ATP2A3: variants seen among roughly 807,000 people sequenced by gnomAD.
ATP2A3 encodes the protein ATPase sarcoplasmic/endoplasmic reticulum Ca2+ transporting 3.
In ATP2A3, 61 loss-of-function variants were observed where a neutral mutation model predicts 106.8. The ratio of observed to expected loss-of-function variants is 0.57; its 90% CI spans 0.46 to 0.71. The LOEUF (loss-of-function observed/expected upper bound fraction) is 0.71, where lower values mean the gene tolerates loss of function less well. Among genes scored for constraint, ATP2A3 ranks in the 30% least tolerant of loss-of-function variants. ATP2A3 has a pLI of 0.00. For missense variants in ATP2A3, 1,201 were observed against 1,423.5 expected (o/e 0.84, Z 2.52); for synonymous variants, 611 against 609.3 (o/e 1.00, Z -0.04).
Position 3,925,240 on chromosome 17 carries a change from T to C in ATP2A3, c.*182A>G. 1 of 907,286 alleles carries C rather than the reference T, an allele frequency of 1.1e-6. No individual in the cohort carries two copies. The highest frequency in any genetic ancestry group is 2.6e-5 in the East Asian group (1 of 38,208). The allele number at this position is 907,286 out of a possible 1,614,324, so 56.2% of individuals were successfully genotyped here. A position where few individuals can be genotyped will look rare whatever the true frequency, so the allele number is the denominator to read the frequency against. On this transcript the variant is annotated 3_prime_UTR_variant, in exon 21 of 21. Coordinates refer to ENST00000397041, the MANE Select transcript of ATP2A3 (RefSeq NM_005173.4). This position sits in a 1 kb window ranked among gnomAD's most constrained non-coding sequence, Gnocchi z 4.2. ...ACAGACCTCCCAGGCCAGAAGGAAG[T>C]GGGGACAGAGACCCCAGGACGGGGC...
intron 14 of ATP2A3, 23 bp downstream of exon 14, chr17:3,940,948 G>A (rs1411849211): frequency 2.5e-6 from 4 of 1,613,400 alleles, no homozygotes; most frequent in Non-Finnish European, 3.4e-6. Context: ...ACCCCCTCCT[G>A]GGGCTCCAGG....
chr17:3,939,244 A>C (rs1391232767), intron 14 of ATP2A3, among the ~76,000 whole-genome samples: 5 of 152,182 alleles, frequency 3.3e-5, no homozygotes, highest in Admixed American at 6.6e-5. Flanking sequence ...GGTCAAAGAT[A>C]AGATCAAGAA....
intron 9 of ATP2A3, 49 bp from the exon 10 acceptor site, chr17:3,944,855 A>G (rs1456438482): frequency 1.3e-6 from 2 of 1,543,540 alleles, no homozygotes; most frequent in Non-Finnish European, 1.8e-6. Flanking sequence ...CGCCCCCGAG[A>G]GGGGTCCGCC....
intron 16 of ATP2A3, among the ~76,000 whole-genome samples, chr17:3,935,712 A>G (rs984901685): frequency 1.3e-5 from 2 of 151,770 alleles, no homozygotes; most frequent in Non-Finnish European, 2.9e-5. Flanking sequence ...TAATTTTTGT[A>G]TTTTTAGTAG....
chr17:3,939,389 T>C (rs543953536), intron 14 of ATP2A3, among the ~76,000 whole-genome samples: 1 of 152,050 alleles, frequency 6.6e-6, no homozygotes, highest in East Asian at 1.9e-4. Context: ...GTCAGAAGAA[T>C]AGGTCAGCAA....
rs955009502 is a variant in ATP2A3 at position 3,928,633 on chromosome 17, G to C, written c.2980+30C>G. 8 of 1,525,942 alleles carry C rather than the reference G, an allele frequency of 5.2e-6. No individual in the cohort carries two copies. In the Admixed American group the frequency reaches 9.8e-5, roughly 19 times the overall value. 94.5% of individuals were successfully genotyped at this position (1,525,942 alleles called of 1,614,324 possible). A position where few individuals can be genotyped will look rare whatever the true frequency, so the allele number is the denominator to read the frequency against. ...GGAGCAGAGGCGGGCGGGGAGGCAG[G>C]CTGGAGGCGGGACGGGGCCTCCCAC... On this transcript the variant is annotated intron_variant, in intron 20 of 20. Transcript: ENST00000397041. The surrounding 1 kb of genome is among the most constrained non-coding windows in gnomAD (Gnocchi z 6.1).
At chr17:3,942,488 T>G in intron 12 of ATP2A3, 118 bp downstream of exon 12, 56 of 1,435,088 alleles carry the variant, frequency 3.9e-5, no homozygotes, top group Non-Finnish European at 4.8e-5. Context: ...AAGGGGCTCC[T>G]GAGAACTTGT....
Position 3,953,166 on chromosome 17 carries a change from G to A in ATP2A3, c.219+181C>T. On this transcript the variant is annotated intron_variant, in intron 3 of 20. Coordinates refer to ENST00000397041, the MANE Select transcript of ATP2A3 (RefSeq NM_005173.4). The surrounding 1 kb of genome is among the most constrained non-coding windows in gnomAD (Gnocchi z 5.1). ...GTGGGAGCCGGGGACCCAATGTAGG[G>A]GCCATGAGGGTTCAGGCAAGGGAAG... 4 of 693,618 alleles carry A rather than the reference G, an allele frequency of 5.8e-6. No homozygotes were observed. Among genetic ancestry groups the A allele is most frequent in the South Asian group, 1.6e-5 (1 of 62,214 alleles). 43.0% of individuals were successfully genotyped at this position (693,618 alleles called of 1,614,324 possible). A position where few individuals can be genotyped will look rare whatever the true frequency, so the allele number is the denominator to read the frequency against.
At position 3,941,265 on chromosome 17, in the gene ATP2A3, C is replaced by T. The variant is rs200366876; in HGVS notation, c.1806G>A (p.Pro602=). 31 of 1,613,814 alleles carry T rather than the reference C, an allele frequency of 1.9e-5. No individual in the cohort carries two copies. Among genetic ancestry groups the T allele is most frequent in the Middle Eastern group, 1.6e-4 (1 of 6,062 alleles). Residue 602 remains proline, a synonymous_variant, in exon 14 of 21, where the codon CCG becomes CCA. Transcript: ENST00000397041. Reference sequence around the variant, plus strand: ...TGCAGGCAGCCACCTCAGGTCGCGGCGGGTCCAGCATGCCTACGCAGCCCA... The same window carrying T: ...TGCAGGCAGCCACCTCAGGTCGCGGTGGGTCCAGCATGCCTACGCAGCCCA... ...TFVGCVGMLD[P]PRPEVAACIT... is the part of the protein sequence containing the mutation.
chr17:3,929,235 T>C lies in ATP2A3; in HGVS notation c.2862+93A>G. The C allele has an allele frequency of 1.7e-6, 2 of 1,197,276 alleles. No homozygotes were observed. The highest frequency in any genetic ancestry group is 1.2e-6 in the Non-Finnish European group (1 of 843,876). The allele number at this position is 1,197,276 out of a possible 1,614,324, so 74.2% of individuals were successfully genotyped here. On this transcript the variant is annotated intron_variant, in intron 19 of 20. Coordinates refer to ENST00000397041, the MANE Select transcript of ATP2A3 (RefSeq NM_005173.4). The surrounding 1 kb of genome is among the most constrained non-coding windows in gnomAD (Gnocchi z 4.3). ...TCTCACCTCCCTCTCCTCCAGGTAG[T>C]TTCCATTGCAGGGGGGCCAGAGAGG...
rs1166995735 is a variant in ATP2A3 at position 3,936,823 on chromosome 17, C to CAT, written c.2322-355_2322-354insAT. The CAT allele has an allele frequency of 1.1e-5, 4 of 372,884 alleles. No individual in the cohort carries two copies. The highest frequency in any genetic ancestry group is 2.1e-5 in the Non-Finnish European group (4 of 193,554). The allele number at this position is 372,884 out of a possible 1,614,324, so 23.1% of individuals were successfully genotyped here. A position where few individuals can be genotyped will look rare whatever the true frequency, so the allele number is the denominator to read the frequency against. On this transcript the variant is annotated intron_variant, in intron 15 of 20. Transcript: ENST00000397041. This position sits in a 1 kb window ranked among gnomAD's most constrained non-coding sequence, Gnocchi z 5.4. ...ACCTAGCACATGCCACACCATCCGG[C>CAT]AAACACAAGCAAACACCTACATATC...
Position 3,943,595 on chromosome 17 carries a change from C to T in ATP2A3, c.1288-73G>A, listed in dbSNP as rs79947573. 2.8e-3 allele frequency: 4,441 copies of T among 1,599,232 alleles called. 115 individuals are homozygous for T. The African/African-American group carries it at 0.053, about 19-fold the overall frequency. On this transcript the variant is annotated intron_variant, in intron 10 of 20. Transcript: ENST00000397041. ...CCCGCATCCCCAGCCTCACTCACTC[C>T]TTGCCCCTGCAGCTGCCTTTGCTGG...
At chr17:3,944,829 A>G in intron 9 of ATP2A3, 23 bp from the exon 10 acceptor site, 3 of 1,595,624 alleles carry the variant, frequency 1.9e-6, no homozygotes, top group Non-Finnish European at 1.7e-6. Flanking sequence ...GGCGGTCACC[A>G]GGAGGACCTC....
rs2052727814 is a variant in ATP2A3, at chr17:3,926,771, T to C, written c.2981-1330A>G. 1.3e-6 allele frequency: 1 copy of C among 773,174 alleles called. No individual in the cohort carries two copies. The highest frequency in any genetic ancestry group is 1.6e-6 in the Non-Finnish European group (1 of 636,138). The allele number at this position is 773,174 out of a possible 1,614,324, so 47.9% of individuals were successfully genotyped here. On this transcript the variant is annotated intron_variant, in intron 20 of 20. Transcript: ENST00000397041. This position sits in a 1 kb window ranked among gnomAD's most constrained non-coding sequence, Gnocchi z 4.6. Reference sequence around the variant, plus strand: ...CTTTAGTAGAGATGGGGTTTCACCATGTTGGCCAGGCTGGTCTCTAACTCC... The same window carrying C: ...CTTTAGTAGAGATGGGGTTTCACCACGTTGGCCAGGCTGGTCTCTAACTCC...
rs1380332362 is a variant in ATP2A3, at chr17:3,953,150, G to A, written c.219+197C>T. 1.3e-5 allele frequency: 8 copies of A among 633,788 alleles called. No homozygotes were observed. The highest frequency in any genetic ancestry group is 8.4e-5 in the East Asian group (3 of 35,738). The allele number at this position is 633,788 out of a possible 1,614,324, so 39.3% of individuals were successfully genotyped here. On this transcript the variant is annotated intron_variant, in intron 3 of 20. Coordinates refer to ENST00000397041, the MANE Select transcript of ATP2A3 (RefSeq NM_005173.4). This position sits in a 1 kb window ranked among gnomAD's most constrained non-coding sequence, Gnocchi z 5.1. Reference sequence around the variant, plus strand: ...GGATTGGAGGGGTCAGGTGGGAGCCGGGGACCCAATGTAGGGGCCATGAGG... The same window carrying A: ...GGATTGGAGGGGTCAGGTGGGAGCCAGGGACCCAATGTAGGGGCCATGAGG...
At chr17:3,931,948 C>T (rs975484333) in intron 17 of ATP2A3, among the ~76,000 whole-genome samples, 3 of 152,176 alleles carry the variant, frequency 2.0e-5, no homozygotes, top group Non-Finnish European at 4.4e-5. Flanking sequence ...TCCCACACTG[C>T]ACAAATGCAG....
chr17:3,931,695 G>C (rs2053105740), intron 17 of ATP2A3, among the ~76,000 whole-genome samples: 1 of 151,884 alleles, frequency 6.6e-6, no homozygotes, highest in Non-Finnish European at 1.5e-5. Flanking sequence ...CTAATTTTTT[G>C]TATTTTTAGT....
Position 3,924,427 on chromosome 17 carries a change from T to C in ATP2A3, c.*995A>G. The C allele has an allele frequency of 4.7e-6, 1 of 210,932 alleles. No homozygotes were observed. Among genetic ancestry groups the C allele is most frequent in the South Asian group, 5.8e-5 (1 of 17,280 alleles). The allele number at this position is 210,932 out of a possible 1,614,324, so 13.1% of individuals were successfully genotyped here. A position where few individuals can be genotyped will look rare whatever the true frequency, so the allele number is the denominator to read the frequency against. The stretch of plus-strand genomic sequence containing the variant: ...ACATCCTTTCGGCTCATGGGTGTCG[T>C]GGGGAGGGGGCAAGGAGTGAGGCCA... On this transcript the variant is annotated 3_prime_UTR_variant, in exon 21 of 21. Coordinates refer to ENST00000397041, the MANE Select transcript of ATP2A3 (RefSeq NM_005173.4). The surrounding 1 kb of genome is among the most constrained non-coding windows in gnomAD (Gnocchi z 6.4).
intron 14 of ATP2A3, among the ~76,000 whole-genome samples, chr17:3,940,509 GTTA>G (rs1206025661): frequency 1.3e-5 from 2 of 152,214 alleles, no homozygotes; most frequent in East Asian, 1.9e-4. Flanking sequence ...AATTAGTATT[GTTA>G]TTATTATTAT....
Sources: allele counts gnomAD v4.1 joint callset (sites outside exome capture counted in the v4.1 genomes callset), GRCh38; gene constraint gnomAD v4.1.1; non-coding constraint Gnocchi (gnomAD v3.1); transcripts MANE v1.5; gene names NCBI Gene and HGNC (gene_info 2026-07-23, HGNC 2026-07-21).